The following ITSN2 variants were observed in gnomAD, a reference collection of about 807,000 sequenced individuals.
ITSN2 encodes the protein intersectin-2.
In ITSN2, 156 loss-of-function variants were observed where a neutral mutation model predicts 243.7. That is an observed-to-expected ratio of 0.64 (90% CI 0.56 to 0.73). The LOEUF (loss-of-function observed/expected upper bound fraction) is 0.73, where lower values mean the gene tolerates loss of function less well. Ranked by LOEUF, ITSN2 falls within the 30% of genes least tolerant of loss-of-function variation. The pLI is 0.00. For synonymous variants in ITSN2, 703 were observed against 699.9 expected (o/e 1.00, Z -0.07); for missense variants, 1,801 against 1,996.1 (o/e 0.90, Z 1.86).
Position 24,300,107 on chromosome 2 carries a change from G to GCGTCGCTTT in ITSN2, c.1137_1145dup (p.Lys380_Arg382dup). ...TTTGTTGCTGCTCCATCAAGGCTTGGCGTCGCTTTTCCAGCTCCATGTTCC... is the reference window on the plus strand; with the variant it reads ...TTTGTTGCTGCTCCATCAAGGCTTGGCGTCGCTTTCGTCGCTTTTCCAGCTCCATGTTCC... On this transcript the variant is annotated inframe_insertion, in exon 12 of 40. Coordinates refer to ENST00000355123, the MANE Select transcript of ITSN2 (RefSeq NM_006277.3). 1.2e-6 allele frequency: 2 copies of GCGTCGCTTT among 1,614,056 alleles called. No homozygotes were observed. Among genetic ancestry groups the GCGTCGCTTT allele is most frequent in the South Asian group, 1.1e-5 (1 of 91,074 alleles).
At chr2:24,282,376 C>G (rs1678896718) in intron 17 of ITSN2, among the ~76,000 whole-genome samples, 1 of 152,222 alleles carries the variant, frequency 6.6e-6, no homozygotes, top group African/African-American at 2.4e-5. Context: ...GTAAAACCGT[C>G]TCCCTTCTGG....
intron 29 of ITSN2, among the ~76,000 whole-genome samples, chr2:24,231,088 C>T (rs959748109): frequency 1.3e-5 from 2 of 152,136 alleles, no homozygotes; most frequent in African/African-American, 2.4e-5. Flanking sequence ...CTCTGCCTGC[C>T]GTCACTATCT....
intron 14 of ITSN2, among the ~76,000 whole-genome samples, chr2:24,295,074 T>A (rs186675689): frequency 1.3e-5 from 2 of 152,216 alleles, no homozygotes; most frequent in East Asian, 3.8e-4. Flanking sequence ...TCGTTTGTTA[T>A]AGCAAGTAAT....
intron 30 of ITSN2, among the ~76,000 whole-genome samples, chr2:24,218,418 A>G (rs546506165): frequency 6.6e-6 from 1 of 152,368 alleles, no homozygotes; most frequent in East Asian, 1.9e-4. Context: ...GAGACATTCA[A>G]CAGGAGAACC....
chr2:24,206,264 A>C (rs750346361), intron 37 of ITSN2: 11 of 436,098 alleles, frequency 2.5e-5, no homozygotes, highest in African/African-American at 4.2e-5. Context: ...TATATAACAA[A>C]ATGGGGGAAA....
chr2:24,347,460 G>T (rs1245879608), intron 1 of ITSN2, among the ~76,000 whole-genome samples: 1 of 152,210 alleles, frequency 6.6e-6, no homozygotes, highest in Non-Finnish European at 1.5e-5. Flanking sequence ...GCTGAAGCAG[G>T]TGGATCACCT....
chr2:24,274,725 A>G (rs1452330794), intron 18 of ITSN2, among the ~76,000 whole-genome samples: 1 of 152,202 alleles, frequency 6.6e-6, no homozygotes, highest in Non-Finnish European at 1.5e-5. Flanking sequence ...GGAGGTGGCT[A>G]CTTTGAAACC....
intron 29 of ITSN2, among the ~76,000 whole-genome samples, chr2:24,237,162 G>A (rs1672255990): frequency 6.6e-6 from 1 of 151,974 alleles, no homozygotes; most frequent in African/African-American, 2.4e-5. Context: ...TATCTAATCT[G>A]TTTTAATTTC....
chr2:24,230,076 C>T (rs955551695), intron 29 of ITSN2, among the ~76,000 whole-genome samples: 6 of 152,160 alleles, frequency 3.9e-5, no homozygotes, highest in Admixed American at 6.5e-5. Flanking sequence ...CTTCCCTGAA[C>T]TTCTTCACAC....
In ITSN2 at chr2:24,267,359, ATG is replaced by A. The variant is rs1369351585; in HGVS notation, c.2355+3310_2355+3311del. Among the ~76,000 whole-genome samples, 3 of 148,210 alleles carry A rather than the reference ATG, an allele frequency of 2.0e-5. No homozygotes were observed. The Admixed American group carries it at 2.1e-4, about 10-fold the overall frequency. ...TGTAACAAACCTGCACGTTCTGCAC[ATG>A]TATCCCAGAACTTAAAGTATAAAAA... is the stretch of plus-strand genomic sequence containing the variant. On this transcript the variant is annotated intron_variant, in intron 20 of 39. Transcript: ENST00000355123.
At chr2:24,291,457 G>A (rs546675578) in intron 15 of ITSN2, among the ~76,000 whole-genome samples, 63 of 151,382 alleles carry the variant, frequency 4.2e-4, no homozygotes, top group African/African-American at 1.4e-3. Context: ...GTCTATTAGC[G>A]AAGTGTTATA....
chr2:24,287,151 T>C (rs1483410540), intron 15 of ITSN2, among the ~76,000 whole-genome samples: 2 of 152,158 alleles, frequency 1.3e-5, no homozygotes. Flanking sequence ...TTTATTTCCA[T>C]GGGTTTTAAC....
chr2:24,349,084 T>C (rs940503504), intron 1 of ITSN2, among the ~76,000 whole-genome samples: 10 of 152,122 alleles, frequency 6.6e-5, no homozygotes, highest in Admixed American at 2.0e-4. Flanking sequence ...CTGAGCAACA[T>C]AGTGAGATTC....
At chr2:24,281,761 T>G (rs934337713) in intron 17 of ITSN2, among the ~76,000 whole-genome samples, 5 of 152,224 alleles carry the variant, frequency 3.3e-5, no homozygotes, top group Non-Finnish European at 7.3e-5. Flanking sequence ...AACTTCCTAA[T>G]CTTCCATCCA....
intron 39 of ITSN2, 130 bp from the exon 40 acceptor site, chr2:24,203,913 T>A: frequency 1.0e-6 from 1 of 958,146 alleles, no homozygotes; most frequent in Non-Finnish European, 1.5e-6. Flanking sequence ...CTCATGGCTG[T>A]TGAATGTCGT....
At chr2:24,220,747 T>C in intron 30 of ITSN2, 198 bp downstream of exon 30, 4 of 1,387,646 alleles carry the variant, frequency 2.9e-6, no homozygotes, top group Non-Finnish European at 2.8e-6. Context: ...CATTAGAGAC[T>C]TTCAATCTCA....
Position 24,220,935 on chromosome 2 carries a change from G to C in ITSN2, c.3699+10C>G, listed in dbSNP as rs765151908. ...ATACCCCGAGAGCTAGCCAGCAGCA[G>C]CCTCCTCACCTCGACGACGAGCTGA... On this transcript the variant is annotated intron_variant, in intron 30 of 39. Transcript: ENST00000355123. The C allele has an allele frequency of 5.0e-6, 8 of 1,588,412 alleles. No individual in the cohort carries two copies. The Admixed American group carries it at 1.5e-4, about 29-fold the overall frequency.
chr2:24,216,085 C>A lies in ITSN2; in HGVS notation c.3954G>T (p.Lys1318Asn). Residue 1318 changes from lysine (K) to asparagine (N), a missense_variant, in exon 32 of 40, where the codon AAG (lysine) becomes AAT (asparagine). By Grantham distance (94) the Lys-to-Asn change is moderately conservative (BLOSUM62 0). Coordinates refer to ENST00000355123, the MANE Select transcript of ITSN2 (RefSeq NM_006277.3). ...CTTTGAAATCTGTGTCTTCATCTGTCTTCTGCTGTAACAGAGCTGCTCCAT... is the reference window on the plus strand; with the variant it reads ...CTTTGAAATCTGTGTCTTCATCTGTATTCTGCTGTAACAGAGCTGCTCCAT... ...QLNGAALLQQ[K>N]TDEDTDFKEF... 2 of 1,609,046 alleles carry A rather than the reference C, an allele frequency of 1.2e-6. No individual in the cohort carries two copies. Among genetic ancestry groups the A allele is most frequent in the Admixed American group, 1.7e-5 (1 of 59,372 alleles).
chr2:24,351,278 C>A (rs550921150), intron 1 of ITSN2, among the ~76,000 whole-genome samples: 1 of 152,316 alleles, frequency 6.6e-6, no homozygotes, highest in African/African-American at 2.4e-5. Context: ...TGTTTTCACG[C>A]CTGCCCCGCT....
Sources: allele counts gnomAD v4.1 joint callset (sites outside exome capture counted in the v4.1 genomes callset), GRCh38; gene constraint gnomAD v4.1.1; transcripts MANE v1.5; gene names NCBI Gene and HGNC (gene_info 2026-07-23, HGNC 2026-07-21).